DLG3: variants seen among roughly 807,000 people sequenced by gnomAD.
The protein encoded by DLG3 is disks large homolog 3.
Under a neutral mutation model 64.1 loss-of-function variants are expected in DLG3, and 1 was observed. The ratio of observed to expected loss-of-function variants is 0.02; its 90% confidence interval spans 0.01 to 0.07. The LOEUF (loss-of-function observed/expected upper bound fraction) is 0.07. Among genes scored for constraint, DLG3 ranks in the 10% least tolerant of loss-of-function variants. DLG3 has a pLI of 1.00. For missense variants in DLG3, 429 were observed against 669.5 expected (o/e 0.64, Z 3.96); for synonymous variants, 245 against 259.8 (o/e 0.94, Z 0.55).
At chrX:70,476,078 T>C (rs963594574) in intron 9 of DLG3, among the ~76,000 whole-genome samples, 6 of 111,635 alleles carry the variant, frequency 5.4e-5, no homozygotes, top group Admixed American at 1.9e-4. Context: ...CCTGATCTTT[T>C]AGAGGCACCC....
Position 70,466,247 on chromosome X carries a change from TTGTGTGTGTGTGTGTGTG to T in DLG3, c.1405+11962_1405+11979del, listed in dbSNP as rs61083333. 2.3e-4 allele frequency among the ~76,000 whole-genome samples: 19 copies of T among 84,417 alleles called. No homozygotes were observed. The East Asian group carries it at 2.7e-3, about 12-fold the overall frequency. The allele number at this position is 84,417 out of a possible 115,157, so 73.3% of individuals were successfully genotyped here. On this transcript the variant is annotated intron_variant, in intron 9 of 18. Transcript: ENST00000374360. ...TTGTGTGCAAGTGTTTCTTGGTCAT[TTGTGTGTGTGTGTGTGTG>T]TGTGTGTGTGTGTGTGTGTGTGTGT... is the stretch of plus-strand genomic sequence containing the variant.
intron 12 of DLG3, chrX:70,493,566 G>A: frequency 2.6e-6 from 2 of 771,005 alleles, no homozygotes; most frequent in Non-Finnish European, 3.9e-6. Context: ...CCTGGGCAGG[G>A]CCACGTGTGG....
chrX:70,452,137 G>C, intron 7 of DLG3, 111 bp downstream of exon 7: 2 of 1,099,054 alleles, frequency 1.8e-6, no homozygotes, highest in Non-Finnish European at 2.4e-6. Context: ...AAGAGGATAA[G>C]GCCCTCATCA....
rs200111510 is a variant in DLG3 at position 70,458,266 on chromosome X, CCT to C, written c.1405+3954_1405+3955del. ...AGCTCAAGCAGTCCACCCACCTTGG[CCT>C]CTCAAAGTGCTGGGATCACCGCTCC... is the stretch of plus-strand genomic sequence containing the variant. On this transcript the variant is annotated intron_variant, in intron 9 of 18. Coordinates refer to ENST00000374360, the MANE Select transcript of DLG3 (RefSeq NM_021120.4). Among the ~76,000 whole-genome samples the C allele has an allele frequency of 6.5e-3, 723 of 111,392 alleles. 4 individuals carry two copies. The highest frequency in any genetic ancestry group is 0.023 in the African/African-American group (691 of 30,657).
chrX:70,452,453 C>T, intron 7 of DLG3: 1 of 973,015 alleles, frequency 1.0e-6, no homozygotes, highest in South Asian at 4.7e-5. Flanking sequence ...CCGGCAACGG[C>T]CCCGCCCCGC....
At chrX:70,450,110 C>T (rs1332126139) in intron 4 of DLG3, 59 bp from the exon 5 acceptor site, 20 of 1,192,756 alleles carry the variant, frequency 1.7e-5, no homozygotes, top group Non-Finnish European at 2.3e-5. Flanking sequence ...GATTTGGGAT[C>T]GACAACACTT....
intron 9 of DLG3, among the ~76,000 whole-genome samples, chrX:70,466,587 C>T (rs921048369): frequency 1.8e-5 from 2 of 108,497 alleles, no homozygotes; most frequent in Non-Finnish European, 3.8e-5. Flanking sequence ...TACAGGTGTG[C>T]GCCACCACAC....
chrX:70,468,484 G>A (rs1346760943), intron 9 of DLG3, among the ~76,000 whole-genome samples: 1 of 111,125 alleles, frequency 9.0e-6, no homozygotes, highest in Non-Finnish European at 1.9e-5. Flanking sequence ...ATGCTGATCC[G>A]GCATGTTTTG....
At chrX:70,468,238 T>G (rs1260403471) in intron 9 of DLG3, among the ~76,000 whole-genome samples, 1 of 111,048 alleles carries the variant, frequency 9.0e-6, no homozygotes, top group Non-Finnish European at 1.9e-5. Flanking sequence ...CCCAACTAAT[T>G]TTTGTATTTC....
intron 9 of DLG3, among the ~76,000 whole-genome samples, chrX:70,461,048 T>G (rs1212086380): frequency 8.9e-6 from 1 of 112,408 alleles, no homozygotes. Context: ...AGTTTTTGCA[T>G]GGACATGTTT....
chrX:70,465,542 G>T (rs1480282566), intron 9 of DLG3, among the ~76,000 whole-genome samples: 1 of 112,004 alleles, frequency 8.9e-6, no homozygotes, highest in Non-Finnish European at 1.9e-5. Flanking sequence ...ATTACATTTA[G>T]ATTTGTGGAA....
At chrX:70,501,411 GTC>G (rs1433278632) in intron 18 of DLG3, among the ~76,000 whole-genome samples, 24 of 97,812 alleles carry the variant, frequency 2.5e-4, no homozygotes, top group East Asian at 1.5e-3. Flanking sequence ...CTGTCTGTCT[GTC>G]TGTGTGTGTG....
rs769562394 is a variant in DLG3 at position 70,481,895 on chromosome X, A to G, written c.1520+2631A>G. Among the ~76,000 whole-genome samples, 14 of 112,077 alleles carry G rather than the reference A, an allele frequency of 1.2e-4. No homozygotes were observed. In the South Asian group the frequency reaches 5.2e-3, roughly 42 times the overall value. Reference sequence around the variant, plus strand: ...CTCTGCCCCCCTAAATGGCAATGTCATTTATTTTCACAGCTTCAAATCCTG... The same window carrying G: ...CTCTGCCCCCCTAAATGGCAATGTCGTTTATTTTCACAGCTTCAAATCCTG... On this transcript the variant is annotated intron_variant, in intron 10 of 18. Transcript: ENST00000374360.
intron 9 of DLG3, among the ~76,000 whole-genome samples, chrX:70,464,444 A>G (rs755621772): frequency 1.6e-4 from 17 of 109,268 alleles, no homozygotes; most frequent in African/African-American, 5.3e-4. Flanking sequence ...TATTTTTTGT[A>G]GAGACTGGGT....
At chrX:70,478,701 C>G (rs909071295) in intron 9 of DLG3, among the ~76,000 whole-genome samples, 3 of 111,488 alleles carry the variant, frequency 2.7e-5, no homozygotes, top group Non-Finnish European at 5.6e-5. Flanking sequence ...GACCTCAGGT[C>G]CTTTCCAGCC....
chrX:70,487,392 C>T (rs1369379661), intron 10 of DLG3, among the ~76,000 whole-genome samples: 1 of 111,888 alleles, frequency 8.9e-6, no homozygotes, highest in African/African-American at 3.3e-5. Context: ...GGAAGGACCT[C>T]TCCCCAGCTC....
intron 9 of DLG3, among the ~76,000 whole-genome samples, chrX:70,464,246 TCTTTC>T (rs1318948068): frequency 1.9e-5 from 2 of 104,335 alleles, no homozygotes; most frequent in African/African-American, 3.5e-5. Context: ...CTTTCCTTTC[TCTTTC>T]CTTTCCTTTC....
chrX:70,462,597 T>C (rs1415611997), intron 9 of DLG3, among the ~76,000 whole-genome samples: 1 of 112,170 alleles, frequency 8.9e-6, no homozygotes, highest in African/African-American at 3.2e-5. Flanking sequence ...TTTCATCCTA[T>C]GGTTATGCCA....
At chrX:70,491,990 G>C in intron 10 of DLG3, 117 bp from the exon 11 acceptor site, 1 of 743,911 alleles carries the variant, frequency 1.3e-6, no homozygotes, top group East Asian at 3.5e-5. Flanking sequence ...CATCCTTCTA[G>C]TATACTGTGA....
Sources: allele counts gnomAD v4.1 joint callset (sites outside exome capture counted in the v4.1 genomes callset), GRCh38; gene constraint gnomAD v4.1.1; transcripts MANE v1.5; gene names NCBI Gene and HGNC (gene_info 2026-07-23, HGNC 2026-07-21).